LCLAT1: variants seen among roughly 807,000 people sequenced by gnomAD.
LCLAT1 encodes the protein 1-AGP acyltransferase 8.
A neutral mutation model predicts 30.7 loss-of-function variants in LCLAT1; 11 were observed. The ratio of observed to expected loss-of-function variants is 0.36; its 90% confidence interval spans 0.23 to 0.59. LCLAT1 has a LOEUF of 0.59. LCLAT1 is among the 20% of genes least tolerant of loss of function. LCLAT1 has a pLI of 0.77. For synonymous variants in LCLAT1, 155 were observed against 151.3 expected, an observed-to-expected ratio of 1.02 and a Z score of -0.18; for missense variants, 402 against 458.6, an observed-to-expected ratio of 0.88 and a Z score of 1.13.
At chr2:30,526,802 G>A (rs1018095139) in intron 2 of LCLAT1, among the ~76,000 whole-genome samples, 2 of 152,116 alleles carry the variant, frequency 1.3e-5, no homozygotes, top group African/African-American at 2.4e-5. Context: ...TATCCTAATT[G>A]TAGATTTACA....
At chr2:30,602,863 T>C (rs1558548982) in intron 5 of LCLAT1, among the ~76,000 whole-genome samples, 1 of 152,132 alleles carries the variant, frequency 6.6e-6, no homozygotes, top group Admixed American at 6.6e-5. Context: ...TGAATACATA[T>C]ACATTTAGAC....
At chr2:30,536,348 A>G (rs1262645639) in intron 3 of LCLAT1, among the ~76,000 whole-genome samples, 2 of 152,234 alleles carry the variant, frequency 1.3e-5, no homozygotes, top group Non-Finnish European at 2.9e-5. Flanking sequence ...TTTATGGTCA[A>G]ACTCTCAAAA....
chr2:30,559,001 T>C (rs1665070107), intron 3 of LCLAT1, among the ~76,000 whole-genome samples: 1 of 152,204 alleles, frequency 6.6e-6, no homozygotes, highest in Admixed American at 6.5e-5. Flanking sequence ...TTTATATAAT[T>C]GACACCAGCA....
intron 1 of LCLAT1, among the ~76,000 whole-genome samples, chr2:30,456,816 C>T (rs1209517686): frequency 2.6e-5 from 4 of 152,068 alleles, no homozygotes; most frequent in Non-Finnish European, 4.4e-5. Flanking sequence ...TATTTGTTTA[C>T]CTATAATGGC....
At chr2:30,497,630 C>A (rs1210582111) in intron 1 of LCLAT1, among the ~76,000 whole-genome samples, 1 of 152,122 alleles carries the variant, frequency 6.6e-6, no homozygotes, top group Non-Finnish European at 1.5e-5. Context: ...GACTAGATTT[C>A]TCATTGTTGA....
intron 1 of LCLAT1, among the ~76,000 whole-genome samples, chr2:30,499,626 T>C (rs1684272441): frequency 6.6e-6 from 1 of 152,242 alleles, no homozygotes; most frequent in African/African-American, 2.4e-5. Context: ...TGTGATTGTA[T>C]AGGCAATGTG....
At chr2:30,481,505 G>A (rs866059671) in intron 1 of LCLAT1, among the ~76,000 whole-genome samples, 1 of 152,146 alleles carries the variant, frequency 6.6e-6, no homozygotes, top group African/African-American at 2.4e-5. Context: ...AAGGATCACC[G>A]ATGTCAGAAG....
intron 1 of LCLAT1, among the ~76,000 whole-genome samples, chr2:30,473,688 T>A (rs1411674178): frequency 6.6e-6 from 1 of 152,222 alleles, no homozygotes; most frequent in Admixed American, 6.5e-5. Flanking sequence ...ATTGTGCTAT[T>A]GGATTGACCA....
chr2:30,623,205 C>T (rs1668352026), intron 5 of LCLAT1, among the ~76,000 whole-genome samples: 3 of 151,994 alleles, frequency 2.0e-5, no homozygotes, highest in South Asian at 4.1e-4. Flanking sequence ...AGGCGCCTGT[C>T]ACCACGCCCA....
Position 30,449,835 on chromosome 2 carries a change from A to G in LCLAT1, c.-5+2452A>G, listed in dbSNP as rs1455457525. On this transcript the variant is annotated intron_variant, in intron 1 of 5. Coordinates refer to ENST00000379509, the MANE Select transcript of LCLAT1 (RefSeq NM_001002257.3). ...AATTTCTATCAGGAAGCACAAATCA[A>G]TAATTGGGATTTTTGTTTTTATTAC... is the stretch of plus-strand genomic sequence containing the variant. 2.0e-5 allele frequency among the ~76,000 whole-genome samples: 3 copies of G among 152,200 alleles called. No homozygotes were observed. In the East Asian group the frequency reaches 5.8e-4, roughly 29 times the overall value.
intron 5 of LCLAT1, among the ~76,000 whole-genome samples, chr2:30,625,404 T>C (rs1420666019): frequency 5.3e-5 from 8 of 152,146 alleles, no homozygotes; most frequent in Non-Finnish European, 7.4e-5. Context: ...TGAGAGCTAT[T>C]ACAACCAGGG....
At chr2:30,537,457 A>G (rs1354132156) in intron 3 of LCLAT1, among the ~76,000 whole-genome samples, 1 of 151,858 alleles carries the variant, frequency 6.6e-6, no homozygotes, top group Non-Finnish European at 1.5e-5. Flanking sequence ...AGTGACAAAG[A>G]AGGCAATTAT....
intron 1 of LCLAT1, among the ~76,000 whole-genome samples, chr2:30,497,509 T>C (rs1684177322): frequency 6.6e-6 from 1 of 152,226 alleles, no homozygotes; most frequent in Non-Finnish European, 1.5e-5. Context: ...ATTTTACTCT[T>C]TTGTAAATAA....
At chr2:30,496,236 A>G (rs1003286122) in intron 1 of LCLAT1, among the ~76,000 whole-genome samples, 1 of 152,178 alleles carries the variant, frequency 6.6e-6, no homozygotes, top group African/African-American at 2.4e-5. Context: ...CCCTCTTCCA[A>G]CATTGGGGAT....
chr2:30,524,600 C>T (rs116527683), intron 1 of LCLAT1, among the ~76,000 whole-genome samples: 4,402 of 152,220 alleles, frequency 0.029, 93 homozygotes, highest in Middle Eastern at 0.048. Context: ...CCTCTCTCGT[C>T]GCATCCAGGA....
At chr2:30,600,338 A>G (rs995904488) in intron 5 of LCLAT1, among the ~76,000 whole-genome samples, 11 of 152,202 alleles carry the variant, frequency 7.2e-5, no homozygotes, top group Non-Finnish European at 1.6e-4. Flanking sequence ...CAAAGAGATA[A>G]TGTACTAGAA....
At chr2:30,518,979 A>G (rs1685334851) in intron 1 of LCLAT1, among the ~76,000 whole-genome samples, 1 of 152,246 alleles carries the variant, frequency 6.6e-6, no homozygotes, top group East Asian at 1.9e-4. Flanking sequence ...ACCTTGTGCC[A>G]TTAAGCCACC....
At chr2:30,542,048 C>G (rs1378531997) in intron 3 of LCLAT1, among the ~76,000 whole-genome samples, 1 of 152,098 alleles carries the variant, frequency 6.6e-6, no homozygotes. Context: ...CATATCTTTT[C>G]TCCTTTATTT....
intron 5 of LCLAT1, among the ~76,000 whole-genome samples, chr2:30,570,891 T>C (rs1236834282): frequency 1.3e-5 from 2 of 152,054 alleles, no homozygotes; most frequent in East Asian, 3.9e-4. Context: ...TTCTGGGGGT[T>C]CAAGTGAATA....
Sources: gnomAD v4.1 joint callset for allele counts (sites outside exome capture counted in the v4.1 genomes callset) on GRCh38, gnomAD v4.1.1 for gene constraint, MANE v1.5 for transcripts, NCBI Gene and HGNC (gene_info 2026-07-23, HGNC 2026-07-21) for gene names.